ABCC1: variants seen among roughly 807,000 people sequenced by gnomAD.
The protein encoded by ABCC1 is ATP binding cassette subfamily C member 1 (ABCC1 blood group), also known as multidrug resistance-associated protein 1.
In ABCC1, 83 loss-of-function variants were observed where a neutral mutation model predicts 172.9. That is an observed-to-expected ratio of 0.48 (90% confidence interval 0.40 to 0.58). The LOEUF (loss-of-function observed/expected upper bound fraction) is 0.58, where lower values mean the gene tolerates loss of function less well. ABCC1 is among the 20% of genes least tolerant of loss of function. ABCC1 has a pLI of 0.00. For missense variants in ABCC1, 1,817 were observed against 2,002.7 expected, an observed-to-expected ratio of 0.91 and a Z score of 1.77; for synonymous variants, 937 against 825.2, an observed-to-expected ratio of 1.14 and a Z score of -2.32.
intron 1 of ABCC1, among the ~76,000 whole-genome samples, chr16:15,984,773 C>T (rs530185631): frequency 3.6e-4 from 55 of 152,230 alleles, no homozygotes; most frequent in African/African-American, 5.5e-4. Context: ...CATATGCACA[C>T]GCATGCATAC....
intron 4 of ABCC1, 54 bp downstream of exon 4, chr16:16,014,682 G>T (rs771789754): frequency 5.7e-5 from 91 of 1,599,472 alleles, no homozygotes; most frequent in Non-Finnish European, 7.7e-5. Context: ...AGGGAGAGAT[G>T]CTGGGTCCCT....
chr16:16,121,491 T>C (rs549291944), intron 23 of ABCC1, among the ~76,000 whole-genome samples: 4 of 152,312 alleles, frequency 2.6e-5, no homozygotes, highest in African/African-American at 9.6e-5. Context: ...AAAACCACAC[T>C]GCTGGTTCCA....
At chr16:15,956,058 G>T (rs1222108604) in intron 1 of ABCC1, among the ~76,000 whole-genome samples, 1 of 152,144 alleles carries the variant, frequency 6.6e-6, no homozygotes, top group African/African-American at 2.4e-5. Context: ...GACTAGTCTG[G>T]CCAACATGGT....
chr16:15,959,581 C>T (rs898477694), intron 1 of ABCC1, among the ~76,000 whole-genome samples: 14 of 152,352 alleles, frequency 9.2e-5, no homozygotes, highest in Admixed American at 5.2e-4. Flanking sequence ...CTGCCTCGGC[C>T]TCCCAAAGTG....
chr16:16,004,118 A>AGGACTGGCTGTGGTG, intron 1 of ABCC1, among the ~76,000 whole-genome samples: 1 of 151,844 alleles, frequency 6.6e-6, no homozygotes, highest in African/African-American at 2.4e-5. Context: ...TGGCTATGAT[A>AGGACTGGCTGTGGTG]GGGAGGACTG....
intron 1 of ABCC1, among the ~76,000 whole-genome samples, chr16:16,003,944 T>TGGG (rs141828085): frequency 4.3e-4 from 58 of 134,782 alleles, no homozygotes; most frequent in Non-Finnish European, 2.5e-4. Context: ...ATGAATTGGT[T>TGGG]GGGGGGGGTG....
intron 23 of ABCC1, among the ~76,000 whole-genome samples, chr16:16,115,878 C>G (rs1368060093): frequency 6.6e-6 from 1 of 151,598 alleles, no homozygotes; most frequent in Non-Finnish European, 1.5e-5. Flanking sequence ...CATATTTATA[C>G]AAGCCTTTCA....
chr16:16,046,134 T>C, intron 9 of ABCC1, 121 bp downstream of exon 9: 2 of 1,146,340 alleles, frequency 1.7e-6, no homozygotes. Flanking sequence ...AGGATGAGGG[T>C]AGCTTCCGTG....
Position 16,004,954 on chromosome 16 carries a change from C to T in ABCC1, c.49-2862C>T, listed in dbSNP as rs934324418. On this transcript the variant is annotated intron_variant, in intron 1 of 30. Transcript: ENST00000399410. The stretch of plus-strand genomic sequence containing the variant: ...TGCTGGGATTACAGGCATGAGCCAC[C>T]GCGCCCAACCTAATAACTAGATCTC... 2.6e-5 allele frequency among the ~76,000 whole-genome samples: 4 copies of T among 151,792 alleles called. No individual in the cohort carries two copies. The South Asian group carries it at 6.2e-4, about 24-fold the overall frequency.
At chr16:15,978,946 G>T (rs1351479562) in intron 1 of ABCC1, among the ~76,000 whole-genome samples, 2 of 152,112 alleles carry the variant, frequency 1.3e-5, no homozygotes, top group African/African-American at 4.8e-5. Context: ...GAAACCCTGG[G>T]CTTATTAAGG....
intron 19 of ABCC1, among the ~76,000 whole-genome samples, chr16:16,100,639 C>A (rs554809934): frequency 6.6e-6 from 1 of 152,334 alleles, no homozygotes; most frequent in Admixed American, 6.5e-5. Flanking sequence ...ATGTTTAAAG[C>A]AGAGTTTCTC....
chr16:16,053,021 C>T (rs961617553), intron 11 of ABCC1, among the ~76,000 whole-genome samples: 1 of 152,170 alleles, frequency 6.6e-6, no homozygotes, highest in African/African-American at 2.4e-5. Flanking sequence ...GGGGTCTGGA[C>T]ATCAAGATGT....
intron 23 of ABCC1, among the ~76,000 whole-genome samples, chr16:16,121,105 T>C (rs2045134161): frequency 6.6e-6 from 1 of 152,232 alleles, no homozygotes; most frequent in South Asian, 2.1e-4. Context: ...TATGAAATAA[T>C]GTGTCCACGC....
At chr16:15,975,180 C>T (rs964614190) in intron 1 of ABCC1, among the ~76,000 whole-genome samples, 10 of 152,202 alleles carry the variant, frequency 6.6e-5, no homozygotes, top group African/African-American at 2.2e-4. Context: ...TAAAAATCCT[C>T]GCCCAAGAAT....
chr16:16,076,185 C>T, intron 14 of ABCC1, 141 bp from the exon 15 acceptor site: 1 of 761,194 alleles, frequency 1.3e-6, no homozygotes, highest in Non-Finnish European at 2.1e-6. Flanking sequence ...GAACCCGTGG[C>T]TGATGTCACC....
At chr16:15,980,297 G>T (rs1366094142) in intron 1 of ABCC1, among the ~76,000 whole-genome samples, 1 of 152,094 alleles carries the variant, frequency 6.6e-6, no homozygotes, top group Non-Finnish European at 1.5e-5. Flanking sequence ...TTGAGCCCAG[G>T]AGTTCGAGAC....
At chr16:16,000,450 G>C (rs1235497318) in intron 1 of ABCC1, among the ~76,000 whole-genome samples, 9 of 151,748 alleles carry the variant, frequency 5.9e-5, no homozygotes, top group Non-Finnish European at 1.5e-5. Flanking sequence ...CAGCTTTTCT[G>C]ACTCTTTTTA....
In ABCC1 at chr16:16,134,240, G is replaced by A. The variant is rs1054245223; in HGVS notation, c.3967-110G>A. ...GCAAGGGAGAGGGCTGTCGAGTTGGGTTGACCAGATGACTGATGCCTGAGG... is the reference window on the plus strand; with the variant it reads ...GCAAGGGAGAGGGCTGTCGAGTTGGATTGACCAGATGACTGATGCCTGAGG... On this transcript the variant is annotated intron_variant, in intron 27 of 30. Coordinates refer to ENST00000399410, the MANE Select transcript of ABCC1 (RefSeq NM_004996.4). 77 of 1,410,742 alleles carry A rather than the reference G, an allele frequency of 5.5e-5. No individual in the cohort carries two copies. In the East Asian group the frequency reaches 1.7e-3, roughly 31 times the overall value. 87.4% of individuals were successfully genotyped at this position (1,410,742 alleles called of 1,614,324 possible).
rs188507892 is a variant in ABCC1 at position 16,044,373 on chromosome 16, T to C, written c.810-77T>C. The C allele has an allele frequency of 2.7e-3, 3,446 of 1,291,530 alleles. 9 individuals are homozygous for C. The highest frequency in any genetic ancestry group is 3.5e-3 in the Non-Finnish European group (3,132 of 903,272). 80.0% of individuals were successfully genotyped at this position (1,291,530 alleles called of 1,614,324 possible). ...ACTCTGCCTTCCCTGAAGGGTGACA[T>C]TCCCTGGCCATGTCCCTGTGGTAGG... is the stretch of plus-strand genomic sequence containing the variant. On this transcript the variant is annotated intron_variant, in intron 7 of 30. Coordinates refer to ENST00000399410, the MANE Select transcript of ABCC1 (RefSeq NM_004996.4).
Sources: allele counts gnomAD v4.1 joint callset (sites outside exome capture counted in the v4.1 genomes callset), GRCh38; gene constraint gnomAD v4.1.1; transcripts MANE v1.5; gene names NCBI Gene and HGNC (gene_info 2026-07-23, HGNC 2026-07-21).